Variants in CDC27 observed in about 807,000 individuals in gnomAD.
CDC27 encodes cell division cycle 27.
In CDC27, 27 loss-of-function variants were observed where a neutral mutation model predicts 109.7. The ratio of observed to expected loss-of-function variants is 0.25; its 90% CI spans 0.18 to 0.34. CDC27 has a LOEUF of 0.34. Among genes scored for constraint, CDC27 ranks in the 10% least tolerant of loss-of-function variants. CDC27 has a pLI of 1.00. For synonymous variants in CDC27, 266 were observed against 333.9 expected, an observed-to-expected ratio of 0.80 and a Z score of 2.22; for missense variants, 579 against 960.2, an observed-to-expected ratio of 0.60 and a Z score of 5.25.
intron 1 of CDC27, among the ~76,000 whole-genome samples, chr17:47,182,713 T>C (rs145802800): frequency 1.3e-3 from 194 of 152,332 alleles, no homozygotes; most frequent in African/African-American, 4.3e-3. Flanking sequence ...AATATTTCCA[T>C]TGTATAAACA....
chr17:47,148,170 G>A (rs2148887920), intron 9 of CDC27, among the ~76,000 whole-genome samples: 1 of 150,058 alleles, frequency 6.7e-6, no homozygotes, highest in East Asian at 2.0e-4. Context: ...CTGCACTCCA[G>A]CCTGGGCAAC....
At chr17:47,188,428 A>G (rs1706996745) in intron 1 of CDC27, among the ~76,000 whole-genome samples, 1 of 152,216 alleles carries the variant, frequency 6.6e-6, no homozygotes. Flanking sequence ...CAGAAACACC[A>G]TTATTTGTGT....
intron 4 of CDC27, chr17:47,159,484 G>A (rs751443752): frequency 2.9e-5 from 16 of 559,498 alleles, no homozygotes; most frequent in Non-Finnish European, 3.7e-5. Flanking sequence ...CTGGGGGTGC[G>A]ACGAGGCGCA....
At chr17:47,173,583 G>A (rs144986630) in intron 2 of CDC27, among the ~76,000 whole-genome samples, 14 of 152,286 alleles carry the variant, frequency 9.2e-5, no homozygotes, top group African/African-American at 1.9e-4. Flanking sequence ...CCCAGTCACA[G>A]TAATGCTGTC....
chr17:47,167,022 C>T (rs1376635392), intron 4 of CDC27, among the ~76,000 whole-genome samples: 1 of 152,058 alleles, frequency 6.6e-6, no homozygotes, highest in African/African-American at 2.4e-5. Flanking sequence ...GCCCGGCTAA[C>T]TTTTTTATTT....
In CDC27 at chr17:47,188,880, G is replaced by A. The variant is rs1275549298; in HGVS notation, c.27+266C>T. 12 of 1,378,686 alleles carry A rather than the reference G, an allele frequency of 8.7e-6. No homozygotes were observed. The African/African-American group carries it at 1.7e-4, about 20-fold the overall frequency. 85.4% of individuals were successfully genotyped at this position (1,378,686 alleles called of 1,614,324 possible). ...CCAGGCCCCTGGACTGACAGGAAAG[G>A]CTGGCCGGACGTTGGCTCGGACGGG... On this transcript the variant is annotated intron_variant, in intron 1 of 18. Coordinates refer to ENST00000066544, the MANE Select transcript of CDC27 (RefSeq NM_001256.6).
At chr17:47,152,973 A>G (rs996925691) in intron 8 of CDC27, among the ~76,000 whole-genome samples, 6 of 152,272 alleles carry the variant, frequency 3.9e-5, no homozygotes, top group African/African-American at 1.4e-4. Flanking sequence ...TCAGCAGGTC[A>G]CATTTTTTCC....
At chr17:47,129,949 TC>T (rs779410246) in intron 15 of CDC27, among the ~76,000 whole-genome samples, 480 of 152,174 alleles carry the variant, frequency 3.2e-3, no homozygotes, top group Non-Finnish European at 5.1e-3. Flanking sequence ...TCACATTTCA[TC>T]AGGTTTATGC....
At chr17:47,164,348 A>G (rs924948995) in intron 4 of CDC27, among the ~76,000 whole-genome samples, 2 of 152,256 alleles carry the variant, frequency 1.3e-5, no homozygotes, top group South Asian at 2.1e-4. Flanking sequence ...ACTGTATAAC[A>G]TATTTGTGAT....
rs55717332 is a variant in CDC27 at position 47,133,106 on chromosome 17, C to CATATATATATATATAT, written c.1914-748_1914-733dup. ...ACACAAACACACACACACAAATATA[C>CATATATATATATATAT]ATATATATATATATATATATATATA... On this transcript the variant is annotated intron_variant, in intron 14 of 18. Coordinates refer to ENST00000066544, the MANE Select transcript of CDC27 (RefSeq NM_001256.6). 5.1e-5 allele frequency among the ~76,000 whole-genome samples: 5 copies of CATATATATATATATAT among 98,014 alleles called. No homozygotes were observed. In the East Asian group the frequency reaches 9.3e-4, roughly 18 times the overall value. 64.3% of individuals were successfully genotyped at this position (98,014 alleles called of 152,430 possible). A position where few individuals can be genotyped will look rare whatever the true frequency, so the allele number is the denominator to read the frequency against.
At chr17:47,181,670 A>G in intron 1 of CDC27, 33 bp from the exon 2 acceptor site, 1 of 1,236,752 alleles carries the variant, frequency 8.1e-7, no homozygotes, top group Non-Finnish European at 1.2e-6. Flanking sequence ...ATAAATATAC[A>G]TACATACAGA....
At chr17:47,175,607 C>T (rs1022656867) in intron 2 of CDC27, among the ~76,000 whole-genome samples, 1 of 152,208 alleles carries the variant, frequency 6.6e-6, no homozygotes, top group East Asian at 1.9e-4. Flanking sequence ...CTTGAGTCCA[C>T]GAGCTGGAGA....
At position 47,120,340 on chromosome 17, in the gene CDC27, AT is replaced by A. The variant is rs1364777816; in HGVS notation, c.*594del. 1 of 152,788 alleles carries A rather than the reference AT, an allele frequency of 6.5e-6. No homozygotes were observed. Among genetic ancestry groups the A allele is most frequent in the Admixed American group, 6.5e-5 (1 of 15,286 alleles). The allele number at this position is 152,788 out of a possible 1,614,324, so 9.5% of individuals were successfully genotyped here. On this transcript the variant is annotated 3_prime_UTR_variant, in exon 19 of 19. Coordinates refer to ENST00000066544, the MANE Select transcript of CDC27 (RefSeq NM_001256.6). ...ATAAGAGTACACTGTATGGAGGGAT[AT>A]TTGATTCCTACATACGAGTCCCAAT... is the stretch of plus-strand genomic sequence containing the variant.
chr17:47,187,878 C>A (rs1199557564), intron 1 of CDC27, among the ~76,000 whole-genome samples: 2 of 151,172 alleles, frequency 1.3e-5, no homozygotes, highest in Non-Finnish European at 1.5e-5. Flanking sequence ...AGAAACTATA[C>A]TGGTAAAAAG....
chr17:47,136,430 C>T (rs541676923), intron 14 of CDC27, among the ~76,000 whole-genome samples: 6 of 152,140 alleles, frequency 3.9e-5, no homozygotes, highest in South Asian at 2.1e-4. Context: ...CAAAGATAAC[C>T]GTATCTGACA....
At chr17:47,141,722 C>A in intron 12 of CDC27, 131 bp downstream of exon 12, 3 of 489,596 alleles carry the variant, frequency 6.1e-6, no homozygotes, top group East Asian at 3.6e-5. Flanking sequence ...TAAATACTGA[C>A]AAAATAAATA....
intron 14 of CDC27, among the ~76,000 whole-genome samples, chr17:47,133,052 C>CACACACAT (rs1266681276): frequency 0.018 from 1,239 of 70,360 alleles, 35 homozygotes; most frequent in Non-Finnish European, 0.022. Context: ...CACACACACA[C>CACACACAT]ACATACATAT....
At chr17:47,166,099 G>T (rs896354791) in intron 4 of CDC27, among the ~76,000 whole-genome samples, 2 of 151,628 alleles carry the variant, frequency 1.3e-5, no homozygotes, top group African/African-American at 4.8e-5. Flanking sequence ...AATTTTTTTT[G>T]AAGATTTTTG....
At chr17:47,170,237 T>C in intron 3 of CDC27, 195 bp from the exon 4 acceptor site, 1 of 388,964 alleles carries the variant, frequency 2.6e-6, no homozygotes, top group Non-Finnish European at 4.6e-6. Context: ...CTTGCTTTGT[T>C]ACCCAGGCTA....
Sources: allele counts gnomAD v4.1 joint callset (sites outside exome capture counted in the v4.1 genomes callset), GRCh38; gene constraint gnomAD v4.1.1; transcripts MANE v1.5; gene names NCBI Gene and HGNC (gene_info 2026-07-23, HGNC 2026-07-21).